The following NAALADL2 variants were observed in gnomAD, a reference collection of about 807,000 sequenced individuals.
NAALADL2 encodes N-acetylated alpha-linked acidic dipeptidase like 2.
NAALADL2 carries 76 observed loss-of-function variants against 87.2 expected under a neutral mutation model. That is an observed-to-expected ratio of 0.87 (90% CI 0.72 to 1.05). The LOEUF (loss-of-function observed/expected upper bound fraction) is 1.05. NAALADL2 is among the 50% of genes least tolerant of loss of function. The pLI, the probability that NAALADL2 is intolerant of heterozygous loss-of-function variation, is 0.00. For synonymous variants in NAALADL2, 354 were observed against 331.0 expected, an observed-to-expected ratio of 1.07 and a Z score of -0.75; for missense variants, 1,089 against 945.8, an observed-to-expected ratio of 1.15 and a Z score of -1.99.
chr3:175,386,752 G>A (rs76840604), intron 5 of NAALADL2, among the ~76,000 whole-genome samples: 18,456 of 152,124 alleles, frequency 0.12, 1,231 homozygotes, highest in Admixed American at 0.16. Context: ...TGCCTGAGAT[G>A]TGAGTCATTC....
At chr3:175,448,477 A>T in intron 6 of NAALADL2, among the ~76,000 whole-genome samples, 1 of 152,180 alleles carries the variant, frequency 6.6e-6, no homozygotes, top group South Asian at 2.1e-4. Flanking sequence ...CCAGATTTAA[A>T]TAATTAATTA....
At chr3:174,722,974 T>C (rs550565499) in intron 2 of NAALADL2, among the ~76,000 whole-genome samples, 1 of 152,202 alleles carries the variant, frequency 6.6e-6, no homozygotes, top group Non-Finnish European at 1.5e-5. Context: ...AATTCATGGC[T>C]GTATTCTGTG....
chr3:174,798,602 C>G lies in NAALADL2; in HGVS notation c.-9+60856C>G, dbSNP rs1170267514. On this transcript the variant is annotated intron_variant, in intron 3 of 3. Coordinates refer to the NAALADL2 transcript ENST00000434257. ...CCATTCATTTTTACCTTTAGAATTTCTTTCAATGATTTTTTTTAGTTTTCA... is the reference window on the plus strand; with the variant it reads ...CCATTCATTTTTACCTTTAGAATTTGTTTCAATGATTTTTTTTAGTTTTCA... 2.0e-5 allele frequency among the ~76,000 whole-genome samples: 3 copies of G among 151,464 alleles called. No homozygotes were observed. In the East Asian group the frequency reaches 5.8e-4, roughly 29 times the overall value.
At chr3:175,459,215 G>T (rs1722757633) in intron 6 of NAALADL2, among the ~76,000 whole-genome samples, 1 of 151,812 alleles carries the variant, frequency 6.6e-6, no homozygotes, top group Admixed American at 6.6e-5. Flanking sequence ...CTCAAAAAGA[G>T]AATAAAATAT....
chr3:175,727,582 A>G (rs979415142), intron 11 of NAALADL2, among the ~76,000 whole-genome samples: 3 of 152,222 alleles, frequency 2.0e-5, no homozygotes, highest in African/African-American at 7.2e-5. Flanking sequence ...GCTAAAAGAT[A>G]ACCTACCACC....
chr3:175,104,657 T>A (rs1046867048), intron 2 of NAALADL2, among the ~76,000 whole-genome samples: 2 of 152,150 alleles, frequency 1.3e-5, no homozygotes, highest in Non-Finnish European at 2.9e-5. Flanking sequence ...ATAAAGCAAC[T>A]GCTATTTTAA....
chr3:175,721,899 T>C (rs1195949568), intron 11 of NAALADL2, among the ~76,000 whole-genome samples: 1 of 152,042 alleles, frequency 6.6e-6, no homozygotes, highest in East Asian at 1.9e-4. Flanking sequence ...TGCATTATAA[T>C]AAAGTGTCAT....
In NAALADL2 at chr3:174,801,143, C is replaced by T. The variant is rs532224627; in HGVS notation, c.-9+63397C>T. Among the ~76,000 whole-genome samples, 41 of 152,168 alleles carry T rather than the reference C, an allele frequency of 2.7e-4. 1 individual carries two copies. Among genetic ancestry groups the T allele is most frequent in the Admixed American group, 1.6e-3 (25 of 15,280 alleles). On this transcript the variant is annotated intron_variant, in intron 3 of 3. Coordinates refer to the NAALADL2 transcript ENST00000434257. ...GGAAAGACATGATTGGTTTTGAATG[C>T]GAGGACATGAGATTTGGGAGGTGCT...
intron 1 of NAALADL2, among the ~76,000 whole-genome samples, chr3:174,490,536 T>C (rs1718118688): frequency 6.6e-6 from 1 of 152,066 alleles, no homozygotes; most frequent in African/African-American, 2.4e-5. Context: ...AATGGGTGAA[T>C]TGTGTTGTAT....
At chr3:174,491,004 T>A (rs1016170790) in intron 1 of NAALADL2, among the ~76,000 whole-genome samples, 2 of 152,156 alleles carry the variant, frequency 1.3e-5, no homozygotes, top group African/African-American at 4.8e-5. Context: ...AGAGCTATTG[T>A]CAGCAAGAAT....
intron 5 of NAALADL2, among the ~76,000 whole-genome samples, chr3:175,400,008 A>G (rs1770364108): frequency 6.6e-6 from 1 of 152,140 alleles, no homozygotes; most frequent in African/African-American, 2.4e-5. Flanking sequence ...AAACATGTTG[A>G]GAGCAAAGTT....
intron 1 of NAALADL2, among the ~76,000 whole-genome samples, chr3:175,093,133 C>T (rs1383320765): frequency 6.6e-6 from 1 of 151,586 alleles, no homozygotes; most frequent in Non-Finnish European, 1.5e-5. Context: ...TCATCTGCAT[C>T]AGTAATAAAA....
At chr3:174,811,676 A>G (rs1169016446) in intron 3 of NAALADL2, among the ~76,000 whole-genome samples, 1 of 152,160 alleles carries the variant, frequency 6.6e-6, no homozygotes, top group African/African-American at 2.4e-5. Flanking sequence ...TAATGCTAGA[A>G]TGAGTTAAGA....
intron 5 of NAALADL2, among the ~76,000 whole-genome samples, chr3:175,429,137 T>C (rs1415975112): frequency 6.6e-6 from 1 of 151,416 alleles, no homozygotes; most frequent in Non-Finnish European, 1.5e-5. Context: ...AATGTTAACA[T>C]AAATTCTGTT....
intron 6 of NAALADL2, among the ~76,000 whole-genome samples, chr3:175,461,715 T>C (rs942558370): frequency 6.6e-6 from 1 of 152,198 alleles, no homozygotes; most frequent in Non-Finnish European, 1.5e-5. Context: ...GAAAAGATTC[T>C]TCACCTATAT....
intron 1 of NAALADL2, among the ~76,000 whole-genome samples, chr3:174,532,433 G>A (rs75015555): frequency 0.011 from 1,723 of 152,226 alleles, 18 homozygotes; most frequent in Middle Eastern, 0.02. Flanking sequence ...AGAAGGAAAG[G>A]GGGAGGGTAT....
At chr3:175,107,505 CACACAT>C (rs1234953022) in intron 2 of NAALADL2, among the ~76,000 whole-genome samples, 1 of 136,446 alleles carries the variant, frequency 7.3e-6, no homozygotes, top group African/African-American at 3.1e-5. Flanking sequence ...AGCACGAACA[CACACAT>C]ACACACACAC....
intron 2 of NAALADL2, among the ~76,000 whole-genome samples, chr3:175,124,990 A>G (rs1396361730): frequency 6.6e-6 from 1 of 151,806 alleles, no homozygotes; most frequent in Non-Finnish European, 1.5e-5. Flanking sequence ...GGGTGAAATG[A>G]GTCAGAAAAA....
intron 5 of NAALADL2, among the ~76,000 whole-genome samples, chr3:175,424,193 T>G (rs2149134402): frequency 6.6e-6 from 1 of 152,258 alleles, no homozygotes; most frequent in South Asian, 2.1e-4. Context: ...AAAAATTTTG[T>G]CCCATTCTGT....
Sources: allele counts gnomAD v4.1 joint callset (sites outside exome capture counted in the v4.1 genomes callset), GRCh38; gene constraint gnomAD v4.1.1; transcripts MANE v1.5; gene names NCBI Gene and HGNC (gene_info 2026-07-23, HGNC 2026-07-21).